The following LRIT2 variants were observed in gnomAD, a reference collection of about 807,000 sequenced individuals.
LRIT2 encodes the protein leucine rich repeat, Ig-like and transmembrane domains 2, also known as leucine-rich repeat, immunoglobulin-like domain and transmembrane domain-containing protein 2.
LRIT2 carries 23 observed loss-of-function variants against 22.4 expected under a neutral mutation model. The observed-to-expected ratio is 1.03, with a 90% CI of 0.74 to 1.45. The LOEUF (loss-of-function observed/expected upper bound fraction) is 1.45. Among genes scored for constraint, LRIT2 ranks in the 40% most tolerant of loss-of-function variants. The probability of loss-of-function intolerance (pLI) is 0.00; values close to 1 mark genes in which losing one functional copy is unlikely to be tolerated. For synonymous variants in LRIT2, 291 were observed against 267.1 expected (o/e 1.09, Z -0.87); for missense variants, 784 against 665.6 (o/e 1.18, Z -1.96).
In LRIT2 at chr10:84,221,850, G is replaced by GGAGCT. The variant is rs1427628902; in HGVS notation, c.*65_*69dup. 2.1e-6 allele frequency: 3 copies of GGAGCT among 1,428,594 alleles called. No individual in the cohort carries two copies. The African/African-American group carries it at 4.3e-5, about 20-fold the overall frequency. 88.5% of individuals were successfully genotyped at this position (1,428,594 alleles called of 1,614,324 possible). On this transcript the variant is annotated 3_prime_UTR_variant, in exon 3 of 3. Coordinates refer to ENST00000372113, the MANE Select transcript of LRIT2 (RefSeq NM_001017924.5). ...ATATATACTTGCTGGATAAATGGAT[G>GGAGCT]GAGCTGCTGCAGAGGGTTGGTTTCA...
At chr10:84,223,082 C>T (rs559930765) in intron 2 of LRIT2, among the ~76,000 whole-genome samples, 4 of 152,278 alleles carry the variant, frequency 2.6e-5, no homozygotes, top group African/African-American at 4.8e-5. Context: ...TGTGATTGTA[C>T]GATATTATGA....
In LRIT2 at chr10:84,221,895, G is replaced by A. The variant is rs748261676; in HGVS notation, c.*25C>T. The A allele has an allele frequency of 9.3e-6, 14 of 1,510,312 alleles. No homozygotes were observed. The highest frequency in any genetic ancestry group is 9.1e-5 in the Admixed American group (4 of 44,062). 93.6% of individuals were successfully genotyped at this position (1,510,312 alleles called of 1,614,324 possible). ...GTTTCAGAGGCTTGAAGCCCAAGCC[G>A]TTTCCACCCCATGGCCTGGGTTGTT... On this transcript the variant is annotated 3_prime_UTR_variant, in exon 3 of 3. Coordinates refer to ENST00000372113, the MANE Select transcript of LRIT2 (RefSeq NM_001017924.5).
chr10:84,225,079 A>T lies in LRIT2; in HGVS notation c.146T>A (p.Ile49Asn). 6.2e-7 allele frequency: 1 copy of T among 1,613,914 alleles called. No homozygotes were observed. Among genetic ancestry groups the T allele is most frequent in the African/African-American group, 1.3e-5 (1 of 75,020 alleles). The change falls in exon 2 of 3, where the codon ATC becomes AAC. Residue 49 changes from isoleucine (I) to asparagine (N), a missense_variant. Transcript: ENST00000372113. ...GAACTCTTCAGAAAGGTTCCCAGGG[A>T]TCTTTCCCAAGGAGACAGATGTGCA... is the stretch of plus-strand genomic sequence containing the variant. ...LQCTSVSLGK[I>N]PGNLSEEFKQ...
At chr10:84,224,301 C>G (rs1349953287) in intron 2 of LRIT2, 32 bp downstream of exon 2, 1 of 1,584,094 alleles carries the variant, frequency 6.3e-7, no homozygotes, top group South Asian at 1.2e-5. Flanking sequence ...TCCATTCCCT[C>G]CAGATACACT....
Position 84,224,318 on chromosome 10 carries a change from G to T in LRIT2, c.892+15C>A, listed in dbSNP as rs1842539081. 1.2e-6 allele frequency: 2 copies of T among 1,601,010 alleles called. No homozygotes were observed. The highest frequency in any genetic ancestry group is 1.7e-5 in the Admixed American group (1 of 59,496). On this transcript the variant is annotated intron_variant, in intron 2 of 2. Transcript: ENST00000372113. ...CATTCCCTCCAGATACACTGAGAGG[G>T]TGCATGTGGCTTACCATCAAATTCT...
intron 1 of LRIT2, 75 bp from the exon 2 acceptor site, chr10:84,225,189 T>A: frequency 7.4e-7 from 1 of 1,354,346 alleles, no homozygotes; most frequent in Non-Finnish European, 1.0e-6. Flanking sequence ...ATCCTGGCAT[T>A]AGACATGTGA....
intron 1 of LRIT2, 47 bp downstream of exon 1, chr10:84,225,364 A>G: frequency 1.3e-6 from 2 of 1,584,942 alleles, no homozygotes; most frequent in Non-Finnish European, 1.7e-6. Context: ...ATCCCCAAAG[A>G]AAACCCATTC....
At position 84,222,082 on chromosome 10, in the gene LRIT2, C is replaced by T; in HGVS notation, c.1491G>A (p.Leu497=). 2 of 1,609,920 alleles carry T rather than the reference C, an allele frequency of 1.2e-6. No individual in the cohort carries two copies. Among genetic ancestry groups the T allele is most frequent in the Non-Finnish European group, 1.7e-6 (2 of 1,177,562 alleles). The part of the protein sequence containing the change: ...QGPCSCSKWV[L]RGCLHRRKAP... ...CTTTCCTGCGATGAAGACAGCCGCG[C>T]AGGACCCACTTGCTGCAGCTGCAGG... Residue 497 remains leucine, a synonymous_variant, in exon 3 of 3, where the codon CTG becomes CTA. Transcript: ENST00000372113.
rs764289378 is a variant in LRIT2 at position 84,224,392 on chromosome 10, G to A, written c.833C>T (p.Ala278Val). ...QNVTLRCLAQ[A>V]SPSPSIAWTY... The stretch of plus-strand genomic sequence containing the variant: ...CCATGCAATGGATGGTGAGGGGCTG[G>A]CCTGTGCCAAGCATCGCAGGGTCAC... Residue 278 changes from alanine to valine, a missense_variant, in exon 2 of 3, where the codon GCC becomes GTC. Coordinates refer to ENST00000372113, the MANE Select transcript of LRIT2 (RefSeq NM_001017924.5). 1.9e-5 allele frequency: 30 copies of A among 1,614,096 alleles called. No individual in the cohort carries two copies. In the East Asian group the frequency reaches 2.2e-4, roughly 12 times the overall value.
chr10:84,223,680 C>T (rs754295304), intron 2 of LRIT2, among the ~76,000 whole-genome samples: 16 of 152,090 alleles, frequency 1.1e-4, no homozygotes, highest in Non-Finnish European at 1.5e-4. Context: ...AGGCCATCCC[C>T]GGCTTTGTGA....
At chr10:84,223,574 C>A (rs539757237) in intron 2 of LRIT2, among the ~76,000 whole-genome samples, 1 of 151,864 alleles carries the variant, frequency 6.6e-6, no homozygotes, top group African/African-American at 2.4e-5. Flanking sequence ...CAAGTTTTAC[C>A]CAGCTATTCC....
chr10:84,221,815 T>C lies in LRIT2; in HGVS notation c.*105A>G. On this transcript the variant is annotated 3_prime_UTR_variant, in exon 3 of 3. Coordinates refer to ENST00000372113, the MANE Select transcript of LRIT2 (RefSeq NM_001017924.5). ...GTCAAGTTCAGTGCTTGGAACACAG[T>C]GGGTGCTCAATATATACTTGCTGGA... 1 of 1,112,546 alleles carries C rather than the reference T, an allele frequency of 9.0e-7. No individual in the cohort carries two copies. Among genetic ancestry groups the C allele is most frequent in the African/African-American group, 1.5e-5 (1 of 64,658 alleles). 68.9% of individuals were successfully genotyped at this position (1,112,546 alleles called of 1,614,324 possible). A position where few individuals can be genotyped will look rare whatever the true frequency, so the allele number is the denominator to read the frequency against.
At position 84,222,348 on chromosome 10, in the gene LRIT2, C is replaced by T; in HGVS notation, c.1225G>A (p.Val409Ile). ...GTATTGATTCCGGGGCCAATGTGAA[C>T]CACCTCCTTCCTGAAGGCTTCATCC... ...ASDEAFRKEV[V>I]HIGPGINTYA... is the part of the protein sequence containing the mutation. The change falls in exon 3 of 3, where the codon GTT becomes ATT. Residue 409 changes from valine to isoleucine, a missense_variant. Coordinates refer to ENST00000372113, the MANE Select transcript of LRIT2 (RefSeq NM_001017924.5). 1 of 1,614,144 alleles carries T rather than the reference C, an allele frequency of 6.2e-7. No individual in the cohort carries two copies. The highest frequency in any genetic ancestry group is 8.5e-7 in the Non-Finnish European group (1 of 1,180,028).
chr10:84,222,889 G>A (rs573064526), intron 2 of LRIT2: 5 of 710,266 alleles, frequency 7.0e-6, no homozygotes, highest in Non-Finnish European at 1.3e-5. Flanking sequence ...TTTACACATA[G>A]GATATTGAGG....
intron 2 of LRIT2, among the ~76,000 whole-genome samples, chr10:84,223,908 G>T (rs945027219): frequency 2.6e-5 from 4 of 152,200 alleles, no homozygotes; most frequent in Admixed American, 2.0e-4. Context: ...AGGTGATTCT[G>T]CTCAGGCAAG....
Position 84,222,342 on chromosome 10 carries a change from T to C in LRIT2, c.1231A>G (p.Ile411Val). ...DEAFRKEVVH[I>V]GPGINTYAVD... ...GCATAAGTATTGATTCCGGGGCCAA[T>C]GTGAACCACCTCCTTCCTGAAGGCT... The change falls in exon 3 of 3, where the codon ATT becomes GTT. Residue 411 changes from isoleucine (I) to valine (V), a missense_variant. By Grantham distance (29) the Ile-to-Val change is conservative. Coordinates refer to ENST00000372113, the MANE Select transcript of LRIT2 (RefSeq NM_001017924.5). 6.2e-7 allele frequency: 1 copy of C among 1,614,156 alleles called. No individual in the cohort carries two copies. Among genetic ancestry groups the C allele is most frequent in the South Asian group, 1.1e-5 (1 of 91,084 alleles).
At position 84,224,523 on chromosome 10, in the gene LRIT2, A is replaced by T; in HGVS notation, c.702T>A (p.Pro234=). The part of the protein sequence containing the change: ...LVNSYLICQG[P]LSKAGQLFHE... ...GAAAAAGCTGCCCTGCCTTGGACAG[A>T]GGGCCCTGACATATCAGGTAGGAAT... The change falls in exon 2 of 3, where the codon CCT becomes CCA. Residue 234 remains proline (P), a synonymous_variant. Transcript: ENST00000372113. 6.2e-7 allele frequency: 1 copy of T among 1,614,216 alleles called. No individual in the cohort carries two copies. The highest frequency in any genetic ancestry group is 8.5e-7 in the Non-Finnish European group (1 of 1,180,034).
chr10:84,224,445 G>T lies in LRIT2; in HGVS notation c.780C>A (p.Ala260=). 6.2e-7 allele frequency: 1 copy of T among 1,614,238 alleles called. No homozygotes were observed. Among genetic ancestry groups the T allele is most frequent in the East Asian group, 2.2e-5 (1 of 44,890 alleles). ...CMKPQISTPS[A]NITIRAGQNV... ...TCTGTCCTGCCCGGATGGTGATATTGGCACTGGGGGTTGAGATCTGTGGCT... is the reference window on the plus strand; with the variant it reads ...TCTGTCCTGCCCGGATGGTGATATTTGCACTGGGGGTTGAGATCTGTGGCT... The change falls in exon 2 of 3, where the codon GCC becomes GCA. Residue 260 remains alanine (A), a synonymous_variant. Transcript: ENST00000372113.
rs1465550866 is a variant in LRIT2 at position 84,224,802 on chromosome 10, T to G, written c.423A>C (p.Ala141=). Residue 141 remains alanine (A), a synonymous_variant, in exon 2 of 3, where the codon GCA becomes GCC. Coordinates refer to ENST00000372113, the MANE Select transcript of LRIT2 (RefSeq NM_001017924.5). ...VLDLKRNKID[A]LPELALQFLV... Reference sequence around the variant, plus strand: ...AGAATTGAAGAGCCAGCTCAGGGAGTGCATCAATCTTGTTGCGTTTGAGAT... The same window carrying G: ...AGAATTGAAGAGCCAGCTCAGGGAGGGCATCAATCTTGTTGCGTTTGAGAT... The G allele has an allele frequency of 6.2e-7, 1 of 1,613,692 alleles. No homozygotes were observed. The highest frequency in any genetic ancestry group is 2.2e-5 in the East Asian group (1 of 44,826).
Sources: allele counts gnomAD v4.1 joint callset (sites outside exome capture counted in the v4.1 genomes callset), GRCh38; gene constraint gnomAD v4.1.1; transcripts MANE v1.5; gene names NCBI Gene and HGNC (gene_info 2026-07-23, HGNC 2026-07-21).